The following ARHGAP28 variants were observed in gnomAD, a reference collection of about 807,000 sequenced individuals.
ARHGAP28 encodes the protein rho GTPase-activating protein 28.
Under a neutral mutation model 90.7 loss-of-function variants are expected in ARHGAP28, and 56 were observed. The observed-to-expected ratio is 0.62, with a 90% CI of 0.50 to 0.77. The LOEUF is 0.77. Among genes scored for constraint, ARHGAP28 ranks in the 30% least tolerant of loss-of-function variants. The probability of loss-of-function intolerance (pLI) is 0.00; values close to 1 mark genes in which losing one functional copy is unlikely to be tolerated. For synonymous variants in ARHGAP28, 308 were observed against 323.3 expected (o/e 0.95, Z 0.51); for missense variants, 869 against 900.9 (o/e 0.96, Z 0.45).
At chr18:6,885,924 CTAT>C (rs1424303042) in intron 11 of ARHGAP28, among the ~76,000 whole-genome samples, 1 of 150,822 alleles carries the variant, frequency 6.6e-6, no homozygotes, top group Non-Finnish European at 1.5e-5. Context: ...CTTAAAGTTT[CTAT>C]TATTCAGGCA....
At chr18:6,868,115 A>G in intron 5 of ARHGAP28, 35 bp from the exon 6 acceptor site, 1 of 1,547,238 alleles carries the variant, frequency 6.5e-7, no homozygotes, top group Non-Finnish European at 8.9e-7. Context: ...TATTTATGGT[A>G]AAATGTTTTG....
chr18:6,841,203 C>CCTCTCTCTCTCTCTCT (rs1555631524), intron 3 of ARHGAP28, among the ~76,000 whole-genome samples: 1 of 41,970 alleles, frequency 2.4e-5, no homozygotes, highest in African/African-American at 1.2e-4. Context: ...CTCTCTCTCT[C>CCTCTCTCTCTCTCTCT]CTCTCCTCTC....
In ARHGAP28 at chr18:6,897,521, G is replaced by C. The variant is rs1259471171; in HGVS notation, c.2030+895G>C. 6.6e-5 allele frequency: 10 copies of C among 152,120 alleles called. No homozygotes were observed. The East Asian group carries it at 1.9e-3, about 29-fold the overall frequency. 9.4% of individuals were successfully genotyped at this position (152,120 alleles called of 1,614,324 possible). On this transcript the variant is annotated intron_variant, in intron 16 of 17. Coordinates refer to ENST00000383472, the MANE Select transcript of ARHGAP28 (RefSeq NM_001366230.1). ...CTAAAGAATAAACATTTGTCTTCTTGTTTATAAAGGATGAGAAGCACTCAT... is the reference window on the plus strand; with the variant it reads ...CTAAAGAATAAACATTTGTCTTCTTCTTTATAAAGGATGAGAAGCACTCAT...
chr18:6,816,874 G>A (rs762949460), intron 1 of ARHGAP28, among the ~76,000 whole-genome samples: 2 of 152,002 alleles, frequency 1.3e-5, no homozygotes, highest in South Asian at 2.1e-4. Flanking sequence ...AGTCGCTTGA[G>A]CTCAGGAGTT....
At chr18:6,910,528 C>T (rs996984668) in intron 17 of ARHGAP28, among the ~76,000 whole-genome samples, 1 of 152,082 alleles carries the variant, frequency 6.6e-6, no homozygotes, top group Non-Finnish European at 1.5e-5. Context: ...ATGCCCTCCC[C>T]CCAGACAGCC....
chr18:6,793,704 A>ATG (rs1245019699), intron 1 of ARHGAP28, among the ~76,000 whole-genome samples: 4 of 152,052 alleles, frequency 2.6e-5, no homozygotes, highest in Non-Finnish European at 4.4e-5. Flanking sequence ...TCAGTAATAG[A>ATG]TGTGTATTGG....
In ARHGAP28 at chr18:6,870,638, C is replaced by T; in HGVS notation, c.860C>T (p.Ser287Leu). ...ATTCCACCAGAGGCTGAAGAGCTGT[C>T]ATTTGAAGTGTCTTATTCAGAAATG... ...KNIPPEAEEL[S>L]FEVSYSEMVT... Residue 287 changes from serine to leucine, a missense_variant, in exon 7 of 18, where the codon TCA becomes TTA. Physicochemically the swap from Ser to Leu is moderately radical, Grantham distance 145 (BLOSUM62 -2). Coordinates refer to ENST00000383472, the MANE Select transcript of ARHGAP28 (RefSeq NM_001366230.1). 1 of 1,612,946 alleles carries T rather than the reference C, an allele frequency of 6.2e-7. No homozygotes were observed. The highest frequency in any genetic ancestry group is 8.5e-7 in the Non-Finnish European group (1 of 1,179,328).
chr18:6,813,208 G>T (rs1205861938), intron 1 of ARHGAP28, among the ~76,000 whole-genome samples: 1 of 152,146 alleles, frequency 6.6e-6, no homozygotes, highest in Non-Finnish European at 1.5e-5. Flanking sequence ...TAGAAGACAC[G>T]AATTATTGAT....
At chr18:6,847,029 C>T (rs1239748065) in intron 3 of ARHGAP28, among the ~76,000 whole-genome samples, 2 of 152,172 alleles carry the variant, frequency 1.3e-5, no homozygotes, top group African/African-American at 4.8e-5. Flanking sequence ...AGAGGGAAGG[C>T]TGTTCCCTGG....
At chr18:6,758,679 A>G (rs889498791) in intron 1 of ARHGAP28, among the ~76,000 whole-genome samples, 1 of 152,184 alleles carries the variant, frequency 6.6e-6, no homozygotes, top group Non-Finnish European at 1.5e-5. Context: ...GGTGAGAAAT[A>G]CAAATTGTCC....
intron 17 of ARHGAP28, among the ~76,000 whole-genome samples, chr18:6,910,881 G>A (rs2057393468): frequency 7.4e-6 from 1 of 135,048 alleles, no homozygotes; most frequent in African/African-American, 2.7e-5. Flanking sequence ...GTCTCGCTCT[G>A]TCGCCCAGGC....
intron 7 of ARHGAP28, among the ~76,000 whole-genome samples, chr18:6,870,949 T>A (rs552208857): frequency 6.6e-6 from 1 of 152,108 alleles, no homozygotes; most frequent in Non-Finnish European, 1.5e-5. Flanking sequence ...TACAGGCACC[T>A]GCCAACTTGC....
At chr18:6,826,896 A>C (rs971453861) in intron 2 of ARHGAP28, among the ~76,000 whole-genome samples, 1 of 151,986 alleles carries the variant, frequency 6.6e-6, no homozygotes, top group Non-Finnish European at 1.5e-5. Flanking sequence ...ACTCTCAACG[A>C]GCACTCTGCC....
chr18:6,800,350 C>T (rs1185827763), intron 1 of ARHGAP28, among the ~76,000 whole-genome samples: 2 of 152,180 alleles, frequency 1.3e-5, no homozygotes, highest in Non-Finnish European at 2.9e-5. Flanking sequence ...CTAGCAATCC[C>T]ATTACTGGGT....
At chr18:6,733,185 G>T (rs1189945708) in intron 1 of ARHGAP28, among the ~76,000 whole-genome samples, 1 of 152,062 alleles carries the variant, frequency 6.6e-6, no homozygotes, top group Admixed American at 6.5e-5. Flanking sequence ...AAGATTCTAG[G>T]TTGCGATATA....
chr18:6,828,742 A>G (rs1567961735), intron 2 of ARHGAP28, among the ~76,000 whole-genome samples: 1 of 152,180 alleles, frequency 6.6e-6, no homozygotes, highest in African/African-American at 2.4e-5. Flanking sequence ...AAGCACCAAT[A>G]AACAGTGTAA....
At chr18:6,785,589 T>G (rs924134314) in intron 1 of ARHGAP28, among the ~76,000 whole-genome samples, 1 of 152,222 alleles carries the variant, frequency 6.6e-6, no homozygotes, top group African/African-American at 2.4e-5. Context: ...CAGGAATTGA[T>G]GCGTTGACTG....
intron 16 of ARHGAP28, chr18:6,898,616 G>A (rs770196781): frequency 2.5e-6 from 4 of 1,574,770 alleles, no homozygotes; most frequent in Non-Finnish European, 3.4e-6. Flanking sequence ...AGGGATTTGG[G>A]TATCCAGTAG....
At chr18:6,761,438 C>T (rs928528787) in intron 1 of ARHGAP28, among the ~76,000 whole-genome samples, 2 of 152,150 alleles carry the variant, frequency 1.3e-5, no homozygotes, top group Admixed American at 6.5e-5. Context: ...TATGTGCACA[C>T]GTATCTCACA....
Sources: allele counts gnomAD v4.1 joint callset (sites outside exome capture counted in the v4.1 genomes callset), GRCh38; gene constraint gnomAD v4.1.1; transcripts MANE v1.5; gene names NCBI Gene and HGNC (gene_info 2026-07-23, HGNC 2026-07-21).